CSNK1G1: variants seen among roughly 807,000 people sequenced by gnomAD.
CSNK1G1 encodes casein kinase 1 gamma 1.
In CSNK1G1, 22 loss-of-function variants were observed where a neutral mutation model predicts 59.6. The ratio of observed to expected loss-of-function variants is 0.37; its 90% CI spans 0.26 to 0.53. CSNK1G1 has a LOEUF of 0.53. Among genes scored for constraint, CSNK1G1 ranks in the 20% least tolerant of loss-of-function variants. CSNK1G1 has a pLI of 0.89. For missense variants in CSNK1G1, 384 were observed against 519.5 expected (o/e 0.74, Z 2.54); for synonymous variants, 179 against 177.1 (o/e 1.01, Z -0.08).
At chr15:64,187,808 T>C (rs570004480) in intron 10 of CSNK1G1, among the ~76,000 whole-genome samples, 2 of 152,282 alleles carry the variant, frequency 1.3e-5, no homozygotes, top group South Asian at 4.1e-4. Flanking sequence ...GATGTTCTAG[T>C]ACTAAACAGA....
chr15:64,285,843 T>C (rs1299817088), intron 2 of CSNK1G1, among the ~76,000 whole-genome samples: 1 of 151,994 alleles, frequency 6.6e-6, no homozygotes, highest in Non-Finnish European at 1.5e-5. Flanking sequence ...CTAGTTAATT[T>C]ATCTTCTCCA....
chr15:64,206,521 C>T (rs527802000), intron 7 of CSNK1G1, among the ~76,000 whole-genome samples: 11 of 135,736 alleles, frequency 8.1e-5, no homozygotes, highest in African/African-American at 2.2e-4. Flanking sequence ...GTAGGAGAAC[C>T]GCTGGAACCT....
chr15:64,194,508 TTTTCTTTTC>T (rs992670977), intron 10 of CSNK1G1, among the ~76,000 whole-genome samples: 2 of 146,244 alleles, frequency 1.4e-5, no homozygotes, highest in African/African-American at 2.6e-5. Flanking sequence ...TCTTCTTTTC[TTTTCTTTTC>T]TTTTTTTTTT....
intron 11 of CSNK1G1, 130 bp from the exon 12 acceptor site, chr15:64,172,115 T>A: frequency 1.3e-6 from 1 of 782,044 alleles, no homozygotes. Flanking sequence ...ACCCACCATC[T>A]ACAGTGCACG....
At chr15:64,231,921 T>C (rs2082556008) in intron 4 of CSNK1G1, among the ~76,000 whole-genome samples, 1 of 152,166 alleles carries the variant, frequency 6.6e-6, no homozygotes, top group South Asian at 2.1e-4. Context: ...CCAATGACAC[T>C]CTAGTGTACT....
At chr15:64,205,089 AAG>A (rs2082159425) in intron 7 of CSNK1G1, 140 bp from the exon 8 acceptor site, 1 of 554,678 alleles carries the variant, frequency 1.8e-6, no homozygotes, top group African/African-American at 1.9e-5. Flanking sequence ...ACTAACAAAT[AAG>A]AAATGTAGTA....
rs2140190797 is a variant in CSNK1G1, at chr15:64,167,933, A to G, written c.*3998T>C. On this transcript the variant is annotated 3_prime_UTR_variant, in exon 12 of 12. Coordinates refer to ENST00000303052, the MANE Select transcript of CSNK1G1 (RefSeq NM_022048.5). ...GCTATAATCTTTAGTAACCACTTTG[A>G]CGTTACATTATCATTGTTACATATT... The G allele has an allele frequency of 6.6e-6, 1 of 152,346 alleles. No homozygotes were observed. The highest frequency in any genetic ancestry group is 3.4e-3 in the Middle Eastern group (1 of 294). 9.4% of individuals were successfully genotyped at this position (152,346 alleles called of 1,614,324 possible). A position where few individuals can be genotyped will look rare whatever the true frequency, so the allele number is the denominator to read the frequency against.
chr15:64,294,354 A>G (rs1201438851), intron 2 of CSNK1G1, among the ~76,000 whole-genome samples: 2 of 152,126 alleles, frequency 1.3e-5, no homozygotes, highest in Non-Finnish European at 2.9e-5. Context: ...GATTACAGGC[A>G]TGAGGCACCA....
At position 64,216,663 on chromosome 15, in the gene CSNK1G1, CA is replaced by C; in HGVS notation, c.342del (p.Asn114LysfsTer25). On this transcript the variant is annotated frameshift_variant, in exon 5 of 12. Transcript: ENST00000303052. LOFTEE classifies it high-confidence loss of function. This position sits in a 1 kb window ranked among gnomAD's most constrained non-coding sequence, Gnocchi z 4.6. ...VYYFGPCGKY[N>X]AMVLELLGPS... Reference sequence around the variant, plus strand: ...GGGCCAAGGAGCTCCAGCACCATGGCATTATATTTCCCACATGGTCCAAAGT... The same window carrying C: ...GGGCCAAGGAGCTCCAGCACCATGGCTTATATTTCCCACATGGTCCAAAGT... The C allele has an allele frequency of 6.2e-7, 1 of 1,613,980 alleles. No homozygotes were observed. Among genetic ancestry groups the C allele is most frequent in the East Asian group, 2.2e-5 (1 of 44,886 alleles).
intron 2 of CSNK1G1, among the ~76,000 whole-genome samples, chr15:64,290,720 T>C (rs187007389): frequency 3.3e-5 from 5 of 152,352 alleles, no homozygotes; most frequent in Admixed American, 3.3e-4. Context: ...ATGCATTTTA[T>C]CTAAAGTTAT....
At chr15:64,172,541 C>T (rs889385285) in intron 11 of CSNK1G1, among the ~76,000 whole-genome samples, 3 of 152,200 alleles carry the variant, frequency 2.0e-5, no homozygotes, top group Non-Finnish European at 2.9e-5. Context: ...TCCTCACCCA[C>T]CGAAGTAGGC....
chr15:64,270,223 T>C lies in CSNK1G1; in HGVS notation c.182-10982A>G, dbSNP rs1893213410. On this transcript the variant is annotated intron_variant, in intron 2 of 11. Coordinates refer to ENST00000303052, the MANE Select transcript of CSNK1G1 (RefSeq NM_022048.5). The stretch of plus-strand genomic sequence containing the variant: ...CTTTATTAGTCTAGCTAGTGGCCTA[T>C]TTATCAATTTTTTTTTTCAAGAAAC... 2.0e-5 allele frequency among the ~76,000 whole-genome samples: 3 copies of C among 152,200 alleles called. No individual in the cohort carries two copies. The South Asian group carries it at 6.2e-4, about 32-fold the overall frequency.
At position 64,180,037 on chromosome 15, in the gene CSNK1G1, T is replaced by C. The variant is rs1179180684; in HGVS notation, c.1214+311A>G. 1.4e-5 allele frequency: 4 copies of C among 280,716 alleles called. No individual in the cohort carries two copies. The East Asian group carries it at 2.0e-4, about 14-fold the overall frequency. The allele number at this position is 280,716 out of a possible 1,614,324, so 17.4% of individuals were successfully genotyped here. On this transcript the variant is annotated intron_variant, in intron 11 of 11. Coordinates refer to ENST00000303052, the MANE Select transcript of CSNK1G1 (RefSeq NM_022048.5). ...AGCAGATTTTTCTCTATATCCCATA[T>C]AGAGCAAGAAGCTCCACAGCCCCAA...
At chr15:64,291,793 G>A (rs979725750) in intron 2 of CSNK1G1, among the ~76,000 whole-genome samples, 1 of 152,126 alleles carries the variant, frequency 6.6e-6, no homozygotes, top group Non-Finnish European at 1.5e-5. Context: ...GAAAATAATG[G>A]ATCTAAGACT....
intron 2 of CSNK1G1, among the ~76,000 whole-genome samples, chr15:64,283,384 C>A (rs189682492): frequency 2.2e-4 from 34 of 152,028 alleles, no homozygotes; most frequent in African/African-American, 7.7e-4. Context: ...ACTCTGTCAC[C>A]CAGGCTGGAT....
At chr15:64,256,112 A>T (rs1472177990) in intron 3 of CSNK1G1, among the ~76,000 whole-genome samples, 1 of 152,148 alleles carries the variant, frequency 6.6e-6, no homozygotes, top group African/African-American at 2.4e-5. Flanking sequence ...CAGGTATAGA[A>T]TTTTTCCATT....
intron 1 of CSNK1G1, among the ~76,000 whole-genome samples, chr15:64,339,527 G>C (rs1336118359): frequency 6.6e-6 from 1 of 152,030 alleles, no homozygotes; most frequent in Non-Finnish European, 1.5e-5. Flanking sequence ...TGGCCCAGCT[G>C]GTCTCAAACT....
intron 2 of CSNK1G1, among the ~76,000 whole-genome samples, chr15:64,294,048 A>G (rs1566936657): frequency 6.6e-6 from 1 of 152,200 alleles, no homozygotes; most frequent in Non-Finnish European, 1.5e-5. Context: ...TTGAAACAAG[A>G]TGTTCATGCT....
Position 64,166,371 on chromosome 15 carries a change from T to TC in CSNK1G1, c.*5559dup, listed in dbSNP as rs1267601048. On this transcript the variant is annotated 3_prime_UTR_variant, in exon 12 of 12. Coordinates refer to ENST00000303052, the MANE Select transcript of CSNK1G1 (RefSeq NM_022048.5). This position sits in a 1 kb window ranked among gnomAD's most constrained non-coding sequence, Gnocchi z 4.5. ...TTATCTTTTCTGCTGTTATTTTTTT[T>TC]CTCTGCTTGATAAAATGGGGCTCAT... 1.1e-5 allele frequency: 2 copies of TC among 182,084 alleles called. No individual in the cohort carries two copies. Among genetic ancestry groups the TC allele is most frequent in the Admixed American group, 1.2e-4 (2 of 16,156 alleles). The allele number at this position is 182,084 out of a possible 1,614,324, so 11.3% of individuals were successfully genotyped here. A position where few individuals can be genotyped will look rare whatever the true frequency, so the allele number is the denominator to read the frequency against.
Sources: allele counts gnomAD v4.1 joint callset (sites outside exome capture counted in the v4.1 genomes callset), GRCh38; gene constraint gnomAD v4.1.1; non-coding constraint Gnocchi (gnomAD v3.1); transcripts MANE v1.5; gene names NCBI Gene and HGNC (gene_info 2026-07-23, HGNC 2026-07-21).